Variants in CCDC102B observed in about 807,000 individuals in gnomAD.
CCDC102B encodes coiled-coil domain-containing protein 102B.
Under a neutral mutation model 57.4 loss-of-function variants are expected in CCDC102B, and 75 were observed. The observed-to-expected ratio is 1.31, with a 90% CI of 1.08 to 1.58. The LOEUF (loss-of-function observed/expected upper bound fraction) is 1.58. Ranked by LOEUF, CCDC102B falls within the 40% of genes most tolerant of loss-of-function variation. The pLI is 0.00. For missense variants in CCDC102B, 636 were observed against 582.6 expected (o/e 1.09, Z -0.94); for synonymous variants, 206 against 201.9 (o/e 1.02, Z -0.17).
intron 2 of CCDC102B, among the ~76,000 whole-genome samples, chr18:68,837,763 A>G (rs1331220925): frequency 6.6e-6 from 1 of 152,128 alleles, no homozygotes; most frequent in Non-Finnish European, 1.5e-5. Flanking sequence ...GTCTCCACCA[A>G]CAGTCACATT....
chr18:69,050,457 T>C (rs1377327457), intron 7 of CCDC102B, among the ~76,000 whole-genome samples: 3 of 152,218 alleles, frequency 2.0e-5, no homozygotes, highest in Admixed American at 6.5e-5. Flanking sequence ...CTAGTCATGA[T>C]AGTGCCTTCA....
chr18:68,928,215 T>C (rs1350157726), intron 6 of CCDC102B, among the ~76,000 whole-genome samples: 1 of 151,944 alleles, frequency 6.6e-6, no homozygotes, highest in Non-Finnish European at 1.5e-5. Context: ...AGTTACGGTT[T>C]CGAGTACTAT....
At chr18:68,958,663 C>T (rs1389265651) in intron 6 of CCDC102B, among the ~76,000 whole-genome samples, 2 of 152,048 alleles carry the variant, frequency 1.3e-5, no homozygotes, top group Non-Finnish European at 2.9e-5. Flanking sequence ...TTTTCTTGAT[C>T]TTATATGCAT....
chr18:68,748,010 A>G (rs190064351), intron 2 of CCDC102B, among the ~76,000 whole-genome samples: 2 of 152,194 alleles, frequency 1.3e-5, no homozygotes, highest in African/African-American at 2.4e-5. Flanking sequence ...CATTATCTCT[A>G]TATGCTCACA....
At position 68,715,294 on chromosome 18, in the gene CCDC102B, A is replaced by G. The variant is rs113574586; in HGVS notation, c.-201A>G. The G allele has an allele frequency of 3.8e-5, 46 of 1,226,638 alleles. No homozygotes were observed. The African/African-American group carries it at 4.5e-4, about 12-fold the overall frequency. The allele number at this position is 1,226,638 out of a possible 1,614,324, so 76.0% of individuals were successfully genotyped here. On this transcript the variant is annotated 5_prime_UTR_variant, in exon 1 of 4. Transcript: ENST00000578970. Reference sequence around the variant, plus strand: ...CTGCTTAAGGGCTTTACTAGGGAAAACGGTGCTGGTTCACTGGGGCGCGTT... The same window carrying G: ...CTGCTTAAGGGCTTTACTAGGGAAAGCGGTGCTGGTTCACTGGGGCGCGTT...
At chr18:68,803,351 A>C (rs1185056707) in intron 1 of CCDC102B, among the ~76,000 whole-genome samples, 3 of 152,244 alleles carry the variant, frequency 2.0e-5, no homozygotes, top group African/African-American at 7.2e-5. Flanking sequence ...AAAGCAGTAG[A>C]ATCCATACAT....
intron 7 of CCDC102B, 66 bp downstream of exon 7, chr18:69,011,170 A>T (rs537376655): frequency 1.5e-4 from 203 of 1,350,966 alleles, no homozygotes; most frequent in Non-Finnish European, 2.0e-4. Flanking sequence ...ATATCTAAAG[A>T]TTGTCTCCCT....
At chr18:68,874,170 ATGTGTG>A (rs34176363) in intron 4 of CCDC102B, among the ~76,000 whole-genome samples, 32,190 of 138,126 alleles carry the variant, frequency 0.23, 4,233 homozygotes, top group Middle Eastern at 0.31. Context: ...GTGTGTGTGT[ATGTGTG>A]TGTGTGTGTG....
intron 6 of CCDC102B, among the ~76,000 whole-genome samples, chr18:69,005,675 C>A (rs1000025491): frequency 1.3e-5 from 2 of 151,562 alleles, no homozygotes; most frequent in African/African-American, 4.8e-5. Context: ...AGAGCAATAT[C>A]CTTACATATA....
At chr18:68,966,172 G>A (rs1187284140) in intron 6 of CCDC102B, among the ~76,000 whole-genome samples, 6 of 151,958 alleles carry the variant, frequency 3.9e-5, no homozygotes. Context: ...TAGTCAGTTT[G>A]GGTAATTTCT....
chr18:68,982,710 G>A (rs1287669999), intron 6 of CCDC102B, among the ~76,000 whole-genome samples: 1 of 151,584 alleles, frequency 6.6e-6, no homozygotes, highest in Non-Finnish European at 1.5e-5. Context: ...TGCTAAGCCA[G>A]TTTGCTTTCC....
intron 1 of CCDC102B, among the ~76,000 whole-genome samples, chr18:68,807,355 C>T (rs560281755): frequency 2.6e-5 from 4 of 151,994 alleles, no homozygotes; most frequent in South Asian, 4.1e-4. Context: ...TACTTTTTCT[C>T]TTTTTTTATA....
At chr18:68,963,542 A>G (rs1234768462) in intron 6 of CCDC102B, among the ~76,000 whole-genome samples, 1 of 151,874 alleles carries the variant, frequency 6.6e-6, no homozygotes, top group African/African-American at 2.4e-5. Context: ...TATATTCCCC[A>G]TCCATCAAGA....
At chr18:69,005,991 G>A (rs1240021836) in intron 6 of CCDC102B, among the ~76,000 whole-genome samples, 1 of 151,806 alleles carries the variant, frequency 6.6e-6, no homozygotes, top group African/African-American at 2.4e-5. Flanking sequence ...CATATTTTCT[G>A]TTCAGATTTT....
chr18:68,965,183 T>A (rs1436066849), intron 6 of CCDC102B, among the ~76,000 whole-genome samples: 1 of 151,998 alleles, frequency 6.6e-6, no homozygotes, highest in Non-Finnish European at 1.5e-5. Flanking sequence ...AGGACTCCAA[T>A]GAAATGAATA....
rs534030568 is a variant in CCDC102B at position 68,817,495 on chromosome 18, C to T, written c.-15-19254C>T. 2.0e-4 allele frequency among the ~76,000 whole-genome samples: 31 copies of T among 152,242 alleles called. 1 individual carries two copies. In the South Asian group the frequency reaches 6.2e-3, roughly 31 times the overall value. On this transcript the variant is annotated intron_variant, in intron 1 of 7. Coordinates refer to ENST00000360242, the MANE Select transcript of CCDC102B (RefSeq NM_024781.3). ...TTGGTTCTGTTTTTCTGTGTCTCAA[C>T]TCTTTGCAAATGGAAATATATTCAA...
chr18:68,741,671 ACACAC>A (rs2033389154), intron 2 of CCDC102B, among the ~76,000 whole-genome samples: 1 of 2,818 alleles, frequency 3.5e-4, no homozygotes, highest in African/African-American at 5.7e-4. Flanking sequence ...GACTGGTCAC[ACACAC>A]ACACACACAC....
At chr18:69,046,928 G>T (rs1025099578) in intron 7 of CCDC102B, among the ~76,000 whole-genome samples, 1 of 152,002 alleles carries the variant, frequency 6.6e-6, no homozygotes, top group African/African-American at 2.4e-5. Context: ...TTATTTCTGG[G>T]ATCTCTATTC....
At chr18:68,852,558 A>G (rs112002223) in intron 4 of CCDC102B, among the ~76,000 whole-genome samples, 40 of 152,278 alleles carry the variant, frequency 2.6e-4, no homozygotes, top group African/African-American at 9.4e-4. Flanking sequence ...TGGAGTCAAC[A>G]TAGCACTTTG....
Sources: allele counts gnomAD v4.1 joint callset (sites outside exome capture counted in the v4.1 genomes callset), GRCh38; gene constraint gnomAD v4.1.1; transcripts MANE v1.5; gene names NCBI Gene and HGNC (gene_info 2026-07-23, HGNC 2026-07-21).